The following RGS3 variants were observed in gnomAD, a reference collection of about 807,000 sequenced individuals.
RGS3 encodes regulator of G-protein signalling 3.
In RGS3, 80 loss-of-function variants were observed where a neutral mutation model predicts 132.6. The ratio of observed to expected loss-of-function variants is 0.60; its 90% CI spans 0.50 to 0.73. The LOEUF (loss-of-function observed/expected upper bound fraction) is 0.73. RGS3 is among the 30% of genes least tolerant of loss of function. The pLI is 0.00. For missense variants in RGS3, 1,382 were observed against 1,530.8 expected (o/e 0.90, Z 1.62); for synonymous variants, 598 against 620.6 (o/e 0.96, Z 0.54).
intron 1 of RGS3, among the ~76,000 whole-genome samples, chr9:113,453,901 G>A (rs1284957907): frequency 6.6e-6 from 1 of 151,452 alleles, no homozygotes; most frequent in Non-Finnish European, 1.5e-5. Flanking sequence ...TGTGATCATA[G>A]CTCACTGCAA....
intron 19 of RGS3, among the ~76,000 whole-genome samples, chr9:113,576,484 A>T (rs1834530072): frequency 6.6e-6 from 1 of 151,508 alleles, no homozygotes; most frequent in Admixed American, 6.6e-5. Flanking sequence ...GGCGCCCACC[A>T]CCACGTCCAG....
intron 3 of RGS3, chr9:113,462,304 T>G (rs917533258): frequency 0.014 from 62 of 4,348 alleles, no homozygotes; most frequent in South Asian, 0.061. Flanking sequence ...AGGGGGAGAG[T>G]GGGGTGGGGT....
chr9:113,556,921 G>A (rs1833591222), intron 19 of RGS3, among the ~76,000 whole-genome samples: 1 of 152,164 alleles, frequency 6.6e-6, no homozygotes, highest in African/African-American at 2.4e-5. Context: ...ATTGCTTCTT[G>A]TGGGTCTCCC....
intron 14 of RGS3, 137 bp downstream of exon 12, chr9:113,508,717 C>G: frequency 1.3e-6 from 1 of 788,998 alleles, no homozygotes; most frequent in Non-Finnish European, 2.1e-6. Flanking sequence ...GACACAGACT[C>G]TCTTTCCACG....
At chr9:113,459,632 C>T (rs901017288), upstream of RGS3, among the ~76,000 whole-genome samples, 8 of 152,174 alleles carry the variant, frequency 5.3e-5, no homozygotes, top group African/African-American at 1.7e-4. Flanking sequence ...TGCCTGTAGT[C>T]TCAGCTACTT....
chr9:113,561,106 C>A (rs887776418), intron 19 of RGS3, among the ~76,000 whole-genome samples: 1 of 152,072 alleles, frequency 6.6e-6, no homozygotes, highest in African/African-American at 2.4e-5. Context: ...TCACTGCAAT[C>A]TTCACCTCCC....
chr9:113,501,678 G>A (rs1240619319), intron 10 of RGS3: 3 of 1,516,122 alleles, frequency 2.0e-6, no homozygotes, highest in African/African-American at 2.7e-5. Context: ...TTCAGGGATA[G>A]GGGTAGAGGG....
In RGS3 at chr9:113,565,405, G is replaced by T; in HGVS notation, c.2038-18045G>T. ...GCTGGAGGAGGAGGAAGAGGAGGAG[G>T]ACAAGTAGGAGGAGGAGGAAGAGGA... On this transcript the variant is annotated intron_variant, in intron 19 of 24. Transcript: ENST00000350696. This position sits in a 1 kb window ranked among gnomAD's most constrained non-coding sequence, Gnocchi z 5.7. 1 of 1,281,840 alleles carries T rather than the reference G, an allele frequency of 7.8e-7. No homozygotes were observed. Among genetic ancestry groups the T allele is most frequent in the South Asian group, 1.2e-5 (1 of 81,294 alleles). 79.4% of individuals were successfully genotyped at this position (1,281,840 alleles called of 1,614,324 possible).
At chr9:113,564,843 G>A (rs1292994221) in intron 19 of RGS3, 5 of 823,640 alleles carry the variant, frequency 6.1e-6, no homozygotes, top group Non-Finnish European at 5.9e-6. Flanking sequence ...GGAAGTCAGC[G>A]TGTGCTGGCT....
At chr9:113,549,832 G>A (rs1301280485) in intron 19 of RGS3, among the ~76,000 whole-genome samples, 1 of 152,174 alleles carries the variant, frequency 6.6e-6, no homozygotes. Flanking sequence ...GTAATCTTCA[G>A]TTGTTTATCA....
At chr9:113,447,329 G>A (rs1771222) in intron 1 of RGS3, among the ~76,000 whole-genome samples, 1,151 of 26,856 alleles carry the variant, frequency 0.043, 49 homozygotes, top group Non-Finnish European at 0.048. Flanking sequence ...GTATGTATAT[G>A]TATATATATA....
At chr9:113,584,271 G>T in exon 20 of RGS3, 1 of 1,611,888 alleles carries the variant, frequency 6.2e-7, no homozygotes, top group Non-Finnish European at 8.5e-7. Flanking sequence ...AGCCCCGAGG[G>T]CCCTGCTTTG....
At chr9:113,587,180 A>C (rs1835159999) in intron 20 of RGS3, among the ~76,000 whole-genome samples, 1 of 146,158 alleles carries the variant, frequency 6.8e-6, no homozygotes, top group African/African-American at 2.5e-5. Context: ...TTGTCTAGTC[A>C]GTCCTCTGTG....
At chr9:113,558,326 G>A (rs1833650711) in intron 19 of RGS3, among the ~76,000 whole-genome samples, 1 of 152,194 alleles carries the variant, frequency 6.6e-6, no homozygotes, top group Non-Finnish European at 1.5e-5. Context: ...ACATGGTGAA[G>A]CCTTGTCTCT....
intron 24 of RGS3, among the ~76,000 whole-genome samples, chr9:113,596,009 T>G (rs1034268309): frequency 1.3e-5 from 2 of 152,230 alleles, no homozygotes; most frequent in Admixed American, 1.3e-4. Flanking sequence ...TATGTATGCG[T>G]TCTCATGTTT....
At chr9:113,473,237 C>T (rs538564011) in intron 3 of RGS3, among the ~76,000 whole-genome samples, 2 of 152,326 alleles carry the variant, frequency 1.3e-5, no homozygotes, top group South Asian at 4.1e-4. Flanking sequence ...GGCTTCACCT[C>T]TTGAAAGGAA....
chr9:113,560,651 C>T (rs769535729), intron 19 of RGS3, among the ~76,000 whole-genome samples: 18 of 152,294 alleles, frequency 1.2e-4, no homozygotes, highest in East Asian at 3.9e-4. Context: ...ATTTCTTGGC[C>T]GACTCTGCAG....
intron 17 of RGS3, among the ~76,000 whole-genome samples, chr9:113,524,216 C>G (rs960672342): frequency 6.6e-6 from 1 of 152,200 alleles, no homozygotes; most frequent in African/African-American, 2.4e-5. Context: ...TACCCCCAGC[C>G]CCTCCCTGGC....
chr9:113,580,743 T>G (rs1370196429), intron 19 of RGS3: 1 of 962,194 alleles, frequency 1.0e-6, no homozygotes, highest in Non-Finnish European at 1.2e-6. Context: ...CTTTGTTTGG[T>G]TTGGCCTCGA....
Sources: gnomAD v4.1 joint callset for allele counts (sites outside exome capture counted in the v4.1 genomes callset) on GRCh38, gnomAD v4.1.1 for gene constraint, Gnocchi (gnomAD v3.1) non-coding constraint, MANE v1.5 for transcripts, NCBI Gene and HGNC (gene_info 2026-07-23, HGNC 2026-07-21) for gene names.